Variants in PIAS2 observed in about 807,000 individuals in gnomAD.
PIAS2 encodes the protein protein inhibitor of activated STAT 2.
PIAS2 carries 19 observed loss-of-function variants against 69.7 expected under a neutral mutation model. The ratio of observed to expected loss-of-function variants is 0.27; its 90% confidence interval spans 0.19 to 0.40. PIAS2 has a LOEUF of 0.40. Among genes scored for constraint, PIAS2 ranks in the 10% least tolerant of loss-of-function variants. The pLI is 1.00. For synonymous variants in PIAS2, 261 were observed against 263.2 expected, an observed-to-expected ratio of 0.99 and a Z score of 0.08; for missense variants, 624 against 757.0, an observed-to-expected ratio of 0.82 and a Z score of 2.06.
chr18:46,818,183 A>C, intron 12 of PIAS2: 1 of 1,158,168 alleles, frequency 8.6e-7, no homozygotes, highest in Non-Finnish European at 1.1e-6. Flanking sequence ...TTTGAGTCAT[A>C]AACTTTTAAC....
chr18:46,815,659 A>T lies in PIAS2; in HGVS notation c.1649-310T>A, dbSNP rs1241302888. 2.9e-6 allele frequency: 3 copies of T among 1,038,004 alleles called. No individual in the cohort carries two copies. The East Asian group carries it at 2.4e-4, about 84-fold the overall frequency. The allele number at this position is 1,038,004 out of a possible 1,614,324, so 64.3% of individuals were successfully genotyped here. On this transcript the variant is annotated intron_variant, in intron 12 of 13. Transcript: ENST00000585916. ...CCGCTTAACAGAATGAGAAGCAATA[A>T]AAATGATGAGCTAATGATCTGGATT... is the stretch of plus-strand genomic sequence containing the variant.
chr18:46,842,171 A>C (rs1188484325), intron 8 of PIAS2, among the ~76,000 whole-genome samples: 2 of 151,104 alleles, frequency 1.3e-5, no homozygotes, highest in Non-Finnish European at 2.9e-5. Flanking sequence ...AGCTGCAGTG[A>C]GCTGTGTTCA....
chr18:46,875,797 GCCAGAGGC>G (rs1337527556), intron 2 of PIAS2, among the ~76,000 whole-genome samples: 5 of 152,298 alleles, frequency 3.3e-5, no homozygotes, highest in Admixed American at 1.3e-4. Context: ...CGCACCGCAG[GCCAGAGGC>G]CCAGACTGTC....
At chr18:46,859,217 AG>A (rs2048286764) in intron 3 of PIAS2, among the ~76,000 whole-genome samples, 1 of 152,146 alleles carries the variant, frequency 6.6e-6, no homozygotes, top group Non-Finnish European at 1.5e-5. Flanking sequence ...TCATGAGGTC[AG>A]GAGATCGAGA....
rs148292822 is a variant in PIAS2, at chr18:46,826,170, A to G, written c.1508+1789T>C. On this transcript the variant is annotated intron_variant, in intron 11 of 13. Coordinates refer to ENST00000585916, the MANE Select transcript of PIAS2 (RefSeq NM_004671.5). Reference sequence around the variant, plus strand: ...ACAAATTTCTATCTTATACTTACCAATGTTAGTTTTTGTTTTCTTTTCAGC... The same window carrying G: ...ACAAATTTCTATCTTATACTTACCAGTGTTAGTTTTTGTTTTCTTTTCAGC... 3.4e-3 allele frequency among the ~76,000 whole-genome samples: 519 copies of G among 152,332 alleles called. 1 individual carries two copies. The highest frequency in any genetic ancestry group is 0.01 in the Middle Eastern group (3 of 294).
At chr18:46,915,904 T>C (rs2057796731) in intron 1 of PIAS2, among the ~76,000 whole-genome samples, 2 of 152,266 alleles carry the variant, frequency 1.3e-5, no homozygotes, top group South Asian at 4.2e-4. Flanking sequence ...CAACCCATCC[T>C]AAATCTAACG....
intron 5 of PIAS2, among the ~76,000 whole-genome samples, chr18:46,855,132 T>A (rs1044909297): frequency 1.5e-4 from 12 of 80,808 alleles, no homozygotes; most frequent in East Asian, 3.5e-4. Flanking sequence ...AAAAAAAAAA[T>A]TCCAGGCTTA....
At chr18:46,898,435 T>C (rs1598962664) in intron 1 of PIAS2, among the ~76,000 whole-genome samples, 1 of 152,282 alleles carries the variant, frequency 6.6e-6, no homozygotes, top group Admixed American at 6.5e-5. Flanking sequence ...TGAGCCACCA[T>C]GCCCAGCAAG....
intron 2 of PIAS2, among the ~76,000 whole-genome samples, chr18:46,870,304 A>C (rs1241803875): frequency 6.6e-6 from 1 of 152,148 alleles, no homozygotes; most frequent in Non-Finnish European, 1.5e-5. Context: ...TCACTAGCTC[A>C]GAAGTTCGAA....
chr18:46,881,388 G>T (rs879885169), intron 2 of PIAS2, among the ~76,000 whole-genome samples: 1 of 152,098 alleles, frequency 6.6e-6, no homozygotes, highest in Non-Finnish European at 1.5e-5. Context: ...TATGTAATGG[G>T]ATTATAATTT....
intron 7 of PIAS2, 78 bp from the exon 8 acceptor site, chr18:46,844,205 T>C (rs2045839158): frequency 3.3e-6 from 2 of 607,926 alleles, no homozygotes; most frequent in Non-Finnish European, 5.4e-6. Flanking sequence ...ATATATAGCA[T>C]CTTAAAACAA....
chr18:46,814,456 T>A (rs1359107533), intron 13 of PIAS2, among the ~76,000 whole-genome samples: 1 of 152,182 alleles, frequency 6.6e-6, no homozygotes, highest in Non-Finnish European at 1.5e-5. Context: ...CTTCGTTATA[T>A]ATACTGCTGT....
Position 46,804,195 on chromosome 18 carries a change from T to C in PIAS2, c.*8238A>G, listed in dbSNP as rs1465977284. The C allele has an allele frequency of 6.6e-6, 1 of 152,196 alleles. No homozygotes were observed. The allele number at this position is 152,196 out of a possible 1,614,324, so 9.4% of individuals were successfully genotyped here. A position where few individuals can be genotyped will look rare whatever the true frequency, so the allele number is the denominator to read the frequency against. On this transcript the variant is annotated 3_prime_UTR_variant, in exon 14 of 14. Coordinates refer to ENST00000585916, the MANE Select transcript of PIAS2 (RefSeq NM_004671.5). ...TCTGGGATGCAAGTGAAAAAAGTTA[T>C]CACCTCTGCCCTCATGGAGCTTACA...
intron 5 of PIAS2, among the ~76,000 whole-genome samples, chr18:46,847,221 G>T (rs2046281873): frequency 1.3e-5 from 2 of 152,090 alleles, no homozygotes; most frequent in Admixed American, 1.3e-4. Context: ...GCACATATTG[G>T]AGGTGGGAAA....
intron 12 of PIAS2, chr18:46,816,637 T>C (rs1490063081): frequency 3.9e-6 from 1 of 255,072 alleles, no homozygotes; most frequent in Non-Finnish European, 6.1e-6. Flanking sequence ...TTATTATTAT[T>C]ATTTTTTTTT....
At chr18:46,833,446 T>C (rs953278296) in intron 9 of PIAS2, among the ~76,000 whole-genome samples, 2 of 152,174 alleles carry the variant, frequency 1.3e-5, no homozygotes, top group Non-Finnish European at 2.9e-5. Context: ...GTTCATTATC[T>C]TGACTGGGAT....
intron 10 of PIAS2, 123 bp downstream of exon 10, chr18:46,829,611 T>C: frequency 1.2e-6 from 1 of 811,500 alleles, no homozygotes; most frequent in Non-Finnish European, 2.0e-6. Context: ...GGGGGAAAAC[T>C]ATATATCATC....
At chr18:46,852,855 G>A (rs1377744874) in intron 5 of PIAS2, 2 of 152,358 alleles carry the variant, frequency 1.3e-5, no homozygotes, top group Admixed American at 6.5e-5. Context: ...TCCCATCACT[G>A]GCACAGTCAC....
chr18:46,889,725 T>TATA (rs1160200327), intron 2 of PIAS2, among the ~76,000 whole-genome samples: 1 of 152,130 alleles, frequency 6.6e-6, no homozygotes, highest in Non-Finnish European at 1.5e-5. Flanking sequence ...CACTTGTGGG[T>TATA]ATACAGCCAG....
Sources: allele counts gnomAD v4.1 joint callset (sites outside exome capture counted in the v4.1 genomes callset), GRCh38; gene constraint gnomAD v4.1.1; transcripts MANE v1.5; gene names NCBI Gene and HGNC (gene_info 2026-07-23, HGNC 2026-07-21).